Variants in ZNF431 observed in about 807,000 individuals in gnomAD.
ZNF431 encodes zinc finger protein 431.
A neutral mutation model predicts 57.0 loss-of-function variants in ZNF431; 34 were observed. The ratio of observed to expected loss-of-function variants is 0.60; its 90% CI spans 0.45 to 0.79. The LOEUF (loss-of-function observed/expected upper bound fraction) is 0.79, where lower values mean the gene tolerates loss of function less well. ZNF431 is among the 30% of genes least tolerant of loss of function. The pLI, the probability that ZNF431 is intolerant of heterozygous loss-of-function variation, is 0.00. For missense variants in ZNF431, 607 were observed against 667.1 expected (o/e 0.91, Z 0.99); for synonymous variants, 207 against 220.3 (o/e 0.94, Z 0.54).
intron 2 of ZNF431, among the ~76,000 whole-genome samples, chr19:21,158,405 G>A (rs1271735133): frequency 6.6e-6 from 1 of 151,790 alleles, no homozygotes; most frequent in African/African-American, 2.4e-5. Flanking sequence ...TCACCATGTT[G>A]GTCAGGCTGG....
intron 4 of ZNF431, 149 bp from the exon 5 acceptor site, chr19:21,182,474 T>G (rs1432442809): frequency 1.1e-6 from 1 of 904,438 alleles, no homozygotes; most frequent in Admixed American, 3.4e-5. Flanking sequence ...ATATTTTTAT[T>G]AGATTTATAT....
rs976163583 is a variant in ZNF431, at chr19:21,193,062, T to C, written c.*9028T>C. ...GGGCAAAAATGTATAAAATATATAA[T>C]GAAATTGAATTAATAATTTAAAAAA... On this transcript the variant is annotated 3_prime_UTR_variant, in exon 5 of 5. Transcript: ENST00000311048. 1 of 152,166 alleles carries C rather than the reference T, an allele frequency of 6.6e-6. No homozygotes were observed. 9.4% of individuals were successfully genotyped at this position (152,166 alleles called of 1,614,324 possible). A position where few individuals can be genotyped will look rare whatever the true frequency, so the allele number is the denominator to read the frequency against.
intron 4 of ZNF431, among the ~76,000 whole-genome samples, chr19:21,180,797 A>C (rs970284465): frequency 2.0e-4 from 30 of 152,126 alleles, no homozygotes; most frequent in African/African-American, 5.6e-4. Context: ...AAATACAAAA[A>C]TTAGCTGGGC....
chr19:21,147,103 T>C (rs1182816209), intron 2 of ZNF431, among the ~76,000 whole-genome samples: 1 of 152,234 alleles, frequency 6.6e-6, no homozygotes, highest in Non-Finnish European at 1.5e-5. Flanking sequence ...TCTGTTTGAT[T>C]GTCATGAACA....
At chr19:21,178,814 T>TGC (rs1971130215) in intron 4 of ZNF431, among the ~76,000 whole-genome samples, 1 of 151,580 alleles carries the variant, frequency 6.6e-6, no homozygotes, top group South Asian at 2.1e-4. Flanking sequence ...TGTGTGTGTG[T>TGC]GTGTGTTGTT....
intron 4 of ZNF431, among the ~76,000 whole-genome samples, chr19:21,170,081 A>G (rs1341039529): frequency 6.6e-6 from 1 of 152,188 alleles, no homozygotes; most frequent in Non-Finnish European, 1.5e-5. Flanking sequence ...TCCCACACGA[A>G]TAAGTGCCTG....
intron 4 of ZNF431, chr19:21,169,821 T>TGC (rs1970830410): frequency 2.5e-6 from 1 of 398,442 alleles, no homozygotes; most frequent in Non-Finnish European, 4.4e-6. Flanking sequence ...GATCATGATC[T>TGC]GCGGCTCAGA....
intron 4 of ZNF431, among the ~76,000 whole-genome samples, chr19:21,171,040 C>T (rs1010794462): frequency 8.5e-5 from 13 of 152,166 alleles, no homozygotes; most frequent in Admixed American, 5.2e-4. Flanking sequence ...GCAAAATATA[C>T]GTTTAAATTT....
intron 2 of ZNF431, among the ~76,000 whole-genome samples, chr19:21,162,144 TTGTGTGTGTGTGTGTGTGTGTGTGTG>T: frequency 1.5e-5 from 1 of 66,176 alleles, no homozygotes; most frequent in African/African-American, 3.9e-5. Context: ...ATCCAGCTAA[TTGTGTGTGTGTGTGTGTGTGTGTGTG>T]TGTGTGTGTG....
intron 4 of ZNF431, among the ~76,000 whole-genome samples, chr19:21,170,051 A>C (rs551532441): frequency 4.5e-4 from 68 of 152,294 alleles, no homozygotes; most frequent in African/African-American, 1.6e-3. Flanking sequence ...TCTGTAGCCA[A>C]AACCAAGGGT....
At chr19:21,152,747 G>A (rs1427679578) in intron 2 of ZNF431, among the ~76,000 whole-genome samples, 3 of 151,952 alleles carry the variant, frequency 2.0e-5, no homozygotes, top group Admixed American at 1.3e-4. Flanking sequence ...CCTTTACTCA[G>A]GCATATGCAC....
At chr19:21,165,714 G>A (rs1568305399) in intron 2 of ZNF431, among the ~76,000 whole-genome samples, 3 of 150,462 alleles carry the variant, frequency 2.0e-5, no homozygotes, top group Non-Finnish European at 4.4e-5. Flanking sequence ...AGGTTTTTTT[G>A]TTTTTGTTTT....
At chr19:21,165,108 AAT>A (rs1688093583) in intron 2 of ZNF431, among the ~76,000 whole-genome samples, 1 of 150,596 alleles carries the variant, frequency 6.6e-6, no homozygotes, top group African/African-American at 2.4e-5. Flanking sequence ...AAAAAAAAAA[AAT>A]GTTTTCCTAT....
At chr19:21,169,310 A>G (rs1401303372) in intron 4 of ZNF431, among the ~76,000 whole-genome samples, 1 of 152,136 alleles carries the variant, frequency 6.6e-6, no homozygotes, top group Non-Finnish European at 1.5e-5. Flanking sequence ...TTTAATTCCA[A>G]TGGCTTTTAA....
intron 1 of ZNF431, 57 bp from the exon 2 acceptor site, chr19:21,143,494 G>T (rs1048750467): frequency 4.4e-6 from 6 of 1,378,354 alleles, no homozygotes; most frequent in African/African-American, 2.9e-5. Context: ...ATCCACCGTG[G>T]TTATGTCAGC....
intron 4 of ZNF431, among the ~76,000 whole-genome samples, chr19:21,168,402 C>A (rs539311380): frequency 6.6e-6 from 1 of 151,512 alleles, no homozygotes; most frequent in Non-Finnish European, 1.5e-5. Flanking sequence ...GAATCTCACT[C>A]TGTCATCAGG....
At position 21,184,160 on chromosome 19, in the gene ZNF431, G is replaced by A. The variant is rs1971300941; in HGVS notation, c.*126G>A. ...AGGTCAAGAGATCGAGACCATCCTGGCCAACATGGTGAAACCCTGTCTCTA... is the reference window on the plus strand; with the variant it reads ...AGGTCAAGAGATCGAGACCATCCTGACCAACATGGTGAAACCCTGTCTCTA... On this transcript the variant is annotated 3_prime_UTR_variant, in exon 5 of 5. Coordinates refer to ENST00000311048, the MANE Select transcript of ZNF431 (RefSeq NM_133473.4). 3 of 790,710 alleles carry A rather than the reference G, an allele frequency of 3.8e-6. No individual in the cohort carries two copies. The highest frequency in any genetic ancestry group is 3.9e-6 in the Non-Finnish European group (2 of 510,580). The allele number at this position is 790,710 out of a possible 1,614,324, so 49.0% of individuals were successfully genotyped here. A position where few individuals can be genotyped will look rare whatever the true frequency, so the allele number is the denominator to read the frequency against.
chr19:21,175,405 ATTG>A (rs762703140), intron 4 of ZNF431: 14 of 696,026 alleles, frequency 2.0e-5, no homozygotes, highest in Middle Eastern at 3.2e-4. Context: ...TACCAGTTTT[ATTG>A]TTGTTCTTTT....
In ZNF431 at chr19:21,185,933, T is replaced by A. The variant is rs998890093; in HGVS notation, c.*1899T>A. On this transcript the variant is annotated 3_prime_UTR_variant, in exon 5 of 5. Coordinates refer to ENST00000311048, the MANE Select transcript of ZNF431 (RefSeq NM_133473.4). Reference sequence around the variant, plus strand: ...ATTTACCACAGTGTTATTTTTATCGTCATAATAAAAATTATATACGAGTAT... The same window carrying A: ...ATTTACCACAGTGTTATTTTTATCGACATAATAAAAATTATATACGAGTAT... 3 of 152,242 alleles carry A rather than the reference T, an allele frequency of 2.0e-5. No homozygotes were observed. In the East Asian group the frequency reaches 5.8e-4, roughly 29 times the overall value. The allele number at this position is 152,242 out of a possible 1,614,324, so 9.4% of individuals were successfully genotyped here.
Sources: gnomAD v4.1 joint callset for allele counts (sites outside exome capture counted in the v4.1 genomes callset) on GRCh38, gnomAD v4.1.1 for gene constraint, MANE v1.5 for transcripts, NCBI Gene and HGNC (gene_info 2026-07-23, HGNC 2026-07-21) for gene names.